Variants in KAZN observed in about 807,000 individuals in gnomAD.
KAZN encodes the protein kazrin.
A neutral mutation model predicts 87.4 loss-of-function variants in KAZN; 40 were observed. The ratio of observed to expected loss-of-function variants is 0.46; its 90% CI spans 0.36 to 0.60. The LOEUF is 0.60. Ranked by LOEUF, KAZN falls within the 20% of genes least tolerant of loss-of-function variation. KAZN has a pLI of 0.00. For synonymous variants in KAZN, 466 were observed against 458.3 expected (o/e 1.02, Z -0.22); for missense variants, 898 against 1,073.9 (o/e 0.84, Z 2.29).
intron 2 of KAZN, among the ~76,000 whole-genome samples, chr1:14,540,337 C>T (rs1455480710): frequency 5.9e-5 from 9 of 152,118 alleles, no homozygotes; most frequent in Non-Finnish European, 8.8e-5. Context: ...GGTGAGCCTG[C>T]AAGGAAAATG....
chr1:14,304,610 G>A, intron 2 of KAZN: 1 of 398,352 alleles, frequency 2.5e-6, no homozygotes, highest in Non-Finnish European at 4.4e-6. Context: ...TAAACACATG[G>A]ACAATGAATT....
chr1:14,409,168 G>A (rs911001042), intron 2 of KAZN, among the ~76,000 whole-genome samples: 2 of 152,130 alleles, frequency 1.3e-5, no homozygotes, highest in African/African-American at 2.4e-5. Flanking sequence ...AATACAGTAG[G>A]CATTGTTTTA....
chr1:14,631,932 C>G (rs1165435967), intron 1 of KAZN, among the ~76,000 whole-genome samples: 1 of 152,224 alleles, frequency 6.6e-6, no homozygotes, highest in Non-Finnish European at 1.5e-5. Flanking sequence ...AAGCACCCCC[C>G]AGCTTTGAAT....
chr1:14,680,497 G>A (rs901055721), intron 1 of KAZN, among the ~76,000 whole-genome samples: 2 of 152,052 alleles, frequency 1.3e-5, no homozygotes, highest in Non-Finnish European at 2.9e-5. Flanking sequence ...TGCAGAATGT[G>A]CAGGTTTGCT....
intron 2 of KAZN, among the ~76,000 whole-genome samples, chr1:14,244,923 A>G (rs1649351989): frequency 6.6e-6 from 1 of 151,934 alleles, no homozygotes; most frequent in African/African-American, 2.4e-5. Flanking sequence ...GAAGAGAGGC[A>G]TGATCCAGCT....
chr1:14,745,304 A>G (rs2100456701), intron 1 of KAZN, among the ~76,000 whole-genome samples: 2 of 152,300 alleles, frequency 1.3e-5, no homozygotes, highest in East Asian at 1.9e-4. Flanking sequence ...TTCTTTAACA[A>G]AAGGGCTTCT....
At chr1:14,127,472 G>A (rs528853859) in intron 1 of KAZN, among the ~76,000 whole-genome samples, 3 of 150,940 alleles carry the variant, frequency 2.0e-5, no homozygotes, top group African/African-American at 4.9e-5. Context: ...CACTGGAGCC[G>A]TGGTAAAGCC....
intron 2 of KAZN, among the ~76,000 whole-genome samples, chr1:14,569,320 C>CTTTTTTTTTT (rs35144232): frequency 0.011 from 970 of 92,292 alleles, 103 homozygotes; most frequent in African/African-American, 0.02. Flanking sequence ...ACTTCCTCTG[C>CTTTTTTTTTT]TTTTTTTTTT....
chr1:14,525,039 G>A (rs1671789916), intron 2 of KAZN, among the ~76,000 whole-genome samples: 1 of 152,246 alleles, frequency 6.6e-6, no homozygotes, highest in African/African-American at 2.4e-5. Context: ...AGACAGCATG[G>A]ATTTTGGATA....
At chr1:14,275,420 A>G (rs1220896899) in intron 2 of KAZN, among the ~76,000 whole-genome samples, 3 of 150,508 alleles carry the variant, frequency 2.0e-5, no homozygotes, top group Non-Finnish European at 2.9e-5. Context: ...ATGCATCGTG[A>G]AAACTGCAGC....
At chr1:14,865,864 A>T (rs1381526009) in intron 1 of KAZN, among the ~76,000 whole-genome samples, 2 of 152,178 alleles carry the variant, frequency 1.3e-5, no homozygotes, top group East Asian at 3.9e-4. Flanking sequence ...GGGACCACAG[A>T]GGCAGAGATT....
At position 14,162,567 on chromosome 1, in the gene KAZN, CAG is replaced by C. The variant is rs1645732770; in HGVS notation, c.92-17865_92-17864del. Among the ~76,000 whole-genome samples, 8 of 138,708 alleles carry C rather than the reference CAG, an allele frequency of 5.8e-5. No homozygotes were observed. The South Asian group carries it at 1.6e-3, about 27-fold the overall frequency. 91.0% of individuals were successfully genotyped at this position (138,708 alleles called of 152,430 possible). ...TTTTTCTTTTTTTTTTTTTTTGAGACAGAGTCTCACTCTGTTGCCCAGGCTGG... is the reference window on the plus strand; with the variant it reads ...TTTTTCTTTTTTTTTTTTTTTGAGACAGTCTCACTCTGTTGCCCAGGCTGG... On this transcript the variant is annotated intron_variant, in intron 1 of 16. Coordinates refer to the KAZN transcript ENST00000636203.
At chr1:14,800,905 C>T (rs751127707) in intron 1 of KAZN, among the ~76,000 whole-genome samples, 1 of 151,814 alleles carries the variant, frequency 6.6e-6, no homozygotes, top group South Asian at 2.1e-4. Flanking sequence ...AGTGACTGCT[C>T]GTGGGTAGGG....
chr1:14,662,449 C>G (rs1315186471), intron 1 of KAZN, among the ~76,000 whole-genome samples: 2 of 152,106 alleles, frequency 1.3e-5, no homozygotes, highest in African/African-American at 4.8e-5. Flanking sequence ...GTCTTCGGGA[C>G]TAAACAGGAG....
At chr1:14,524,257 A>G (rs906522916) in intron 2 of KAZN, among the ~76,000 whole-genome samples, 1 of 152,068 alleles carries the variant, frequency 6.6e-6, no homozygotes, top group Non-Finnish European at 1.5e-5. Flanking sequence ...CCTGACCTCA[A>G]GTGGTCCACT....
At chr1:14,991,687 C>T (rs1268209132) in intron 2 of KAZN, among the ~76,000 whole-genome samples, 2 of 152,198 alleles carry the variant, frequency 1.3e-5, no homozygotes, top group Non-Finnish European at 2.9e-5. Context: ...GCTGGAGAGG[C>T]CAGGCTGGCC....
intron 1 of KAZN, among the ~76,000 whole-genome samples, chr1:13,991,804 T>C (rs1639295513): frequency 6.6e-6 from 1 of 152,022 alleles, no homozygotes. Flanking sequence ...ACATGATGCT[T>C]CCCAACTTGC....
intron 1 of KAZN, among the ~76,000 whole-genome samples, chr1:14,709,945 G>A (rs1159791325): frequency 6.6e-6 from 1 of 152,204 alleles, no homozygotes; most frequent in Non-Finnish European, 1.5e-5. Flanking sequence ...GAGGTGGAAT[G>A]AGAGCATCAT....
At chr1:15,055,829 C>A (rs1409857127) in intron 4 of KAZN, among the ~76,000 whole-genome samples, 1 of 152,242 alleles carries the variant, frequency 6.6e-6, no homozygotes, top group Non-Finnish European at 1.5e-5. Context: ...TCTGCCACTT[C>A]TGAGCTGTGG....
Sources: allele counts gnomAD v4.1 joint callset (sites outside exome capture counted in the v4.1 genomes callset), GRCh38; gene constraint gnomAD v4.1.1; transcripts MANE v1.5; gene names NCBI Gene and HGNC (gene_info 2026-07-23, HGNC 2026-07-21).